Variants in LGI2 observed in about 807,000 individuals in gnomAD.
The protein encoded by LGI2 is leucine-rich repeat LGI family member 2.
LGI2 carries 30 observed loss-of-function variants against 52.0 expected under a neutral mutation model. The ratio of observed to expected loss-of-function variants is 0.58; its 90% CI spans 0.43 to 0.78. LGI2 has a LOEUF of 0.78. LGI2 is among the 30% of genes least tolerant of loss of function. The pLI, the probability that LGI2 is intolerant of heterozygous loss-of-function variation, is 0.00. For synonymous variants in LGI2, 270 were observed against 271.8 expected (o/e 0.99, Z 0.06); for missense variants, 573 against 692.5 (o/e 0.83, Z 1.94).
chr4:25,007,869 T>C (rs4235326), intron 7 of LGI2, among the ~76,000 whole-genome samples: 57,214 of 152,020 alleles, frequency 0.38, 10,843 homozygotes, highest in Middle Eastern at 0.5. Flanking sequence ...GAAAATCCTG[T>C]CCTGCCCTTG....
intron 7 of LGI2, among the ~76,000 whole-genome samples, chr4:25,010,471 G>A (rs903486066): frequency 3.3e-5 from 5 of 152,102 alleles, no homozygotes; most frequent in Admixed American, 6.5e-5. Flanking sequence ...TTTGAGAAGC[G>A]CCCGCTCTGT....
In LGI2 at chr4:25,018,164, A is replaced by T. The variant is rs1725834892; in HGVS notation, c.486-6T>A. The T allele has an allele frequency of 1.3e-6, 2 of 1,580,894 alleles. No homozygotes were observed. Among genetic ancestry groups the T allele is most frequent in the Non-Finnish European group, 1.7e-6 (2 of 1,165,302 alleles). On this transcript the variant is annotated splice_region_variant and splice_polypyrimidine_tract_variant and intron_variant, in intron 5 of 7. Coordinates refer to ENST00000382114, the MANE Select transcript of LGI2 (RefSeq NM_018176.4). ...ATTTATTACCCCTCAAATCTCTAAA[A>T]ATCAAAATAAAACACAAACACATAC...
Position 25,004,521 on chromosome 4 carries a change from G to A in LGI2, c.821-253C>T, listed in dbSNP as rs1195280886. On this transcript the variant is annotated intron_variant, in intron 7 of 7. Coordinates refer to ENST00000382114, the MANE Select transcript of LGI2 (RefSeq NM_018176.4). This position sits in a 1 kb window ranked among gnomAD's most constrained non-coding sequence, Gnocchi z 4.6. The stretch of plus-strand genomic sequence containing the variant: ...GTACACCTAATGCTATAGACCAAAT[G>A]TTTGTGCTCTCTCCAAATGCATATG... Among the ~76,000 whole-genome samples, 1 of 152,202 alleles carries A rather than the reference G, an allele frequency of 6.6e-6. No individual in the cohort carries two copies. The highest frequency in any genetic ancestry group is 1.5e-5 in the Non-Finnish European group (1 of 68,028).
chr4:24,994,674 A>G (rs1725007978), downstream of LGI2, among the ~76,000 whole-genome samples: 1 of 152,144 alleles, frequency 6.6e-6, no homozygotes, highest in South Asian at 2.1e-4. Flanking sequence ...AAACCCATCT[A>G]CATGCAGATA....
At position 25,003,955 on chromosome 4, in the gene LGI2, A is replaced by G. The variant is rs1725326358; in HGVS notation, c.1134T>C (p.Phe378=). ...GATGCGATTTTCCATCGATATCAACAAACTCCGCATCCGTGTCCCTGAACC... is the reference window on the plus strand; with the variant it reads ...GATGCGATTTTCCATCGATATCAACGAACTCCGCATCCGTGTCCCTGAACC... ...HEWFRDTDAE[F]VDIDGKSHLI... is the part of the protein sequence containing the mutation. The change falls in exon 8 of 8, where the codon TTT becomes TTC. Residue 378 remains phenylalanine (F), a synonymous_variant. Transcript: ENST00000382114. 1 of 1,614,180 alleles carries G rather than the reference A, an allele frequency of 6.2e-7. No homozygotes were observed. Among genetic ancestry groups the G allele is most frequent in the Non-Finnish European group, 8.5e-7 (1 of 1,180,022 alleles).
chr4:25,022,288 G>A (rs945443324), intron 4 of LGI2, among the ~76,000 whole-genome samples: 4 of 152,202 alleles, frequency 2.6e-5, no homozygotes, highest in Admixed American at 1.3e-4. Context: ...GACTTTGAAA[G>A]AAAAGGCAGA....
intron 7 of LGI2, among the ~76,000 whole-genome samples, chr4:25,007,989 C>T (rs1026109665): frequency 6.6e-6 from 1 of 152,192 alleles, no homozygotes; most frequent in Non-Finnish European, 1.5e-5. Flanking sequence ...CAAGTAGCAC[C>T]TAGGGCAGTG....
At chr4:25,014,427 TA>T (rs1344559856) in intron 6 of LGI2, among the ~76,000 whole-genome samples, 3 of 151,998 alleles carry the variant, frequency 2.0e-5, no homozygotes, top group African/African-American at 4.8e-5. Flanking sequence ...CACAGATTGT[TA>T]AATCATTTGA....
chr4:25,028,641 G>A, intron 1 of LGI2, 63 bp from the exon 2 acceptor site: 1 of 1,412,274 alleles, frequency 7.1e-7, no homozygotes. Flanking sequence ...ATGCAGGGTG[G>A]GTAATCAAAC....
In LGI2 at chr4:25,030,782, C is replaced by T. The variant is rs931323055; in HGVS notation, c.-89G>A. 1.5e-5 allele frequency: 11 copies of T among 714,820 alleles called. No individual in the cohort carries two copies. In the African/African-American group the frequency reaches 2.1e-4, roughly 14 times the overall value. 44.3% of individuals were successfully genotyped at this position (714,820 alleles called of 1,614,324 possible). ...CGCCGCTGCAGACGCGGGCGCCGCT[C>T]GCTGCTCTGCCGCCGCCGCTGCTGG... is the stretch of plus-strand genomic sequence containing the variant. On this transcript the variant is annotated 5_prime_UTR_variant, in exon 1 of 8. Coordinates refer to ENST00000382114, the MANE Select transcript of LGI2 (RefSeq NM_018176.4).
chr4:25,024,385 G>A lies in LGI2; in HGVS notation c.413+435C>T, dbSNP rs149351533. 9.3e-3 allele frequency among the ~76,000 whole-genome samples: 1,411 copies of A among 152,262 alleles called. 29 individuals are homozygous for A. Among genetic ancestry groups the A allele is most frequent in the African/African-American group, 0.032 (1,317 of 41,526 alleles). On this transcript the variant is annotated intron_variant, in intron 4 of 7. Transcript: ENST00000382114. ...AAAAATTAGTCAGGCATAGTGGTGT[G>A]TACCTGTAATCCCAGCTACTCGGGA...
Position 25,004,194 on chromosome 4 carries a change from C to T in LGI2, c.895G>A (p.Gly299Ser). The T allele has an allele frequency of 6.2e-7, 1 of 1,614,140 alleles. No homozygotes were observed. The highest frequency in any genetic ancestry group is 1.7e-5 in the Admixed American group (1 of 60,034). ...VFVVVAQLFG[G>S]SHIYKYDESW... Reference sequence around the variant, plus strand: ...TCGTCGTATTTGTAAATGTGAGAGCCACCGAAGAGCTGGGCTACCACCACA... The same window carrying T: ...TCGTCGTATTTGTAAATGTGAGAGCTACCGAAGAGCTGGGCTACCACCACA... Residue 299 changes from glycine to serine, a missense_variant, in exon 8 of 8, where the codon GGC becomes AGC. Gly to Ser is a moderately conservative substitution (Grantham distance 56, BLOSUM62 0). Coordinates refer to ENST00000382114, the MANE Select transcript of LGI2 (RefSeq NM_018176.4). This position sits in a 1 kb window ranked among gnomAD's most constrained non-coding sequence, Gnocchi z 4.6.
intron 7 of LGI2, among the ~76,000 whole-genome samples, chr4:25,008,249 C>G (rs1003213706): frequency 6.6e-6 from 1 of 152,054 alleles, no homozygotes; most frequent in Non-Finnish European, 1.5e-5. Flanking sequence ...CTATTTTACC[C>G]CCATTAAATC....
chr4:25,030,619 C>T lies in LGI2; in HGVS notation c.75G>A (p.Pro25=), dbSNP rs2324643. Residue 25 remains proline, a synonymous_variant, in exon 1 of 8, where the codon CCG becomes CCA. Coordinates refer to ENST00000382114, the MANE Select transcript of LGI2 (RefSeq NM_018176.4). ...CCAGCCGCCTCACCTGCGCGCTCCG[C>T]GGTATCAGGCACGCGGCGCCCAGCA... ...LLLLGAACLI[P]RSAQVRRLAR... is the part of the protein sequence containing the mutation. 1.3e-6 allele frequency: 2 copies of T among 1,556,438 alleles called. No individual in the cohort carries two copies. The highest frequency in any genetic ancestry group is 1.7e-6 in the Non-Finnish European group (2 of 1,151,716).
At position 25,017,854 on chromosome 4, in the gene LGI2, A is replaced by G. The variant is rs73804970; in HGVS notation, c.655+135T>C. 1.5e-3 allele frequency: 1,196 copies of G among 785,346 alleles called. 9 individuals carry two copies. In the African/African-American group the frequency reaches 0.019, roughly 13 times the overall value. The allele number at this position is 785,346 out of a possible 1,614,324, so 48.6% of individuals were successfully genotyped here. ...TACCACATCGATTCATTTCTTTAGA[A>G]TGTTTAAAATTTCTCTAAAACAATT... On this transcript the variant is annotated intron_variant, in intron 6 of 7. Coordinates refer to ENST00000382114, the MANE Select transcript of LGI2 (RefSeq NM_018176.4).
intron 6 of LGI2, among the ~76,000 whole-genome samples, chr4:25,012,830 G>T (rs1417388504): frequency 6.6e-6 from 1 of 152,230 alleles, no homozygotes; most frequent in Non-Finnish European, 1.5e-5. Context: ...ACAGGACGCT[G>T]CACAGCAACA....
In LGI2 at chr4:25,027,113, C is replaced by T. The variant is rs538913911; in HGVS notation, c.270-174G>A. 1.7e-4 allele frequency among the ~76,000 whole-genome samples: 26 copies of T among 152,284 alleles called. No homozygotes were observed. In the South Asian group the frequency reaches 3.3e-3, roughly 19 times the overall value. ...GATTCTCACAGCCTGCTCTTAGAGA[C>T]GATGGCAAGTGGATTCCTTTTGACC... On this transcript the variant is annotated intron_variant, in intron 2 of 7. Transcript: ENST00000382114.
chr4:25,004,230 C>A lies in LGI2; in HGVS notation c.859G>T (p.Asp287Tyr). The A allele has an allele frequency of 6.2e-7, 1 of 1,614,032 alleles. No individual in the cohort carries two copies. Among genetic ancestry groups the A allele is most frequent in the Non-Finnish European group, 8.5e-7 (1 of 1,179,992 alleles). Residue 287 changes from aspartate to tyrosine, a missense_variant, in exon 8 of 8, where the codon GAT (aspartate) becomes TAT (tyrosine). Asp to Tyr is a radical substitution (Grantham distance 160). Transcript: ENST00000382114. The surrounding 1 kb of genome is among the most constrained non-coding windows in gnomAD (Gnocchi z 4.6). ...IVGCKAILID[D>Y]QVFVVVAQLF... Reference sequence around the variant, plus strand: ...TGGGCTACCACCACAAAGACCTGATCATCGATGAGAATGGCCTTACAGCCC... The same window carrying A: ...TGGGCTACCACCACAAAGACCTGATAATCGATGAGAATGGCCTTACAGCCC...
At chr4:25,013,704 A>G (rs972115119) in intron 6 of LGI2, among the ~76,000 whole-genome samples, 1 of 152,188 alleles carries the variant, frequency 6.6e-6, no homozygotes, top group African/African-American at 2.4e-5. Flanking sequence ...ATGTAAGTAT[A>G]TATTGCAGTG....
Sources: allele counts gnomAD v4.1 joint callset (sites outside exome capture counted in the v4.1 genomes callset), GRCh38; gene constraint gnomAD v4.1.1; non-coding constraint Gnocchi (gnomAD v3.1); transcripts MANE v1.5; gene names NCBI Gene and HGNC (gene_info 2026-07-23, HGNC 2026-07-21).